The following PRPF40B variants were observed in gnomAD, a reference collection of about 807,000 sequenced individuals.
PRPF40B encodes pre-mRNA-processing factor 40 homolog B.
A neutral mutation model predicts 124.5 loss-of-function variants in PRPF40B; 56 were observed. The ratio of observed to expected loss-of-function variants is 0.45; its 90% CI spans 0.36 to 0.56. The LOEUF (loss-of-function observed/expected upper bound fraction) is 0.56. Ranked by LOEUF, PRPF40B falls within the 20% of genes least tolerant of loss-of-function variation. The pLI, the probability that PRPF40B is intolerant of heterozygous loss-of-function variation, is 0.00. For missense variants in PRPF40B, 1,053 were observed against 1,169.5 expected, an observed-to-expected ratio of 0.90 and a Z score of 1.45; for synonymous variants, 443 against 426.4, an observed-to-expected ratio of 1.04 and a Z score of -0.48.
At chr12:49,630,914 ACTAT>A (rs1941160896) in intron 2 of PRPF40B, among the ~76,000 whole-genome samples, 1 of 152,130 alleles carries the variant, frequency 6.6e-6, no homozygotes, top group South Asian at 2.1e-4. Flanking sequence ...GCAGGGTGGG[ACTAT>A]CTATCTCTTT....
At chr12:49,643,175 G>A in intron 22 of PRPF40B, 48 bp from the exon 23 acceptor site, 5 of 1,607,500 alleles carry the variant, frequency 3.1e-6, no homozygotes, top group Non-Finnish European at 4.3e-6. Flanking sequence ...GAGGGCTTCT[G>A]GAGGGCAGAG....
intron 1 of PRPF40B, among the ~76,000 whole-genome samples, chr12:49,628,118 T>C (rs1016225426): frequency 6.6e-6 from 1 of 152,180 alleles, no homozygotes; most frequent in African/African-American, 2.4e-5. Flanking sequence ...TGACTTCCCA[T>C]GCTGAGGAAA....
At chr12:49,628,253 G>T (rs1425372015) in intron 1 of PRPF40B, among the ~76,000 whole-genome samples, 4 of 151,988 alleles carry the variant, frequency 2.6e-5, no homozygotes, top group Non-Finnish European at 5.9e-5. Flanking sequence ...AGGACAGTTT[G>T]TTGTTGTTGT....
In PRPF40B at chr12:49,642,501, C is replaced by T. The variant is rs1008072367; in HGVS notation, c.2023-79C>T. On this transcript the variant is annotated intron_variant, in intron 20 of 25. Transcript: ENST00000548825. The surrounding 1 kb of genome is among the most constrained non-coding windows in gnomAD (Gnocchi z 5.8). Reference sequence around the variant, plus strand: ...AGTTCCCTTCCTTTCTCTGCCCCAGCCCTGCCCTGTGCTCATGGCGGTGTC... The same window carrying T: ...AGTTCCCTTCCTTTCTCTGCCCCAGTCCTGCCCTGTGCTCATGGCGGTGTC... The T allele has an allele frequency of 4.6e-5, 72 of 1,581,148 alleles. No homozygotes were observed. In the Admixed American group the frequency reaches 5.4e-4, roughly 12 times the overall value.
intron 18 of PRPF40B, chr12:49,638,527 A>G (rs1431480001): frequency 6.6e-6 from 1 of 152,224 alleles, no homozygotes; most frequent in Non-Finnish European, 1.5e-5. Flanking sequence ...TCTACTGGAG[A>G]AGAGAAATAG....
rs1233329075 is a variant in PRPF40B, at chr12:49,635,021, A to G, written c.1002-78A>G. On this transcript the variant is annotated intron_variant, in intron 12 of 25. Transcript: ENST00000548825. The surrounding 1 kb of genome is among the most constrained non-coding windows in gnomAD (Gnocchi z 4.1). Reference sequence around the variant, plus strand: ...GAGCCCCTGCAGCCTGCAGTGTCTCATGACCCTCCAGTGTGGGCTGTGCAG... The same window carrying G: ...GAGCCCCTGCAGCCTGCAGTGTCTCGTGACCCTCCAGTGTGGGCTGTGCAG... 2 of 1,419,240 alleles carry G rather than the reference A, an allele frequency of 1.4e-6. No homozygotes were observed. The highest frequency in any genetic ancestry group is 1.9e-6 in the Non-Finnish European group (2 of 1,047,298). 87.9% of individuals were successfully genotyped at this position (1,419,240 alleles called of 1,614,324 possible). A position where few individuals can be genotyped will look rare whatever the true frequency, so the allele number is the denominator to read the frequency against.
rs770177120 is a variant in PRPF40B, at chr12:49,635,570, C to G, written c.1275+97C>G. 68 of 1,187,270 alleles carry G rather than the reference C, an allele frequency of 5.7e-5. 1 individual carries two copies. The highest frequency in any genetic ancestry group is 7.7e-5 in the Non-Finnish European group (65 of 839,688). The allele number at this position is 1,187,270 out of a possible 1,614,324, so 73.5% of individuals were successfully genotyped here. On this transcript the variant is annotated intron_variant, in intron 14 of 25. Transcript: ENST00000548825. This position sits in a 1 kb window ranked among gnomAD's most constrained non-coding sequence, Gnocchi z 4.1. ...CCCTCGCCATTTACTTCTCTACTTC[C>G]CCAGTGTCCCAGCTTCTGACTTGGA...
rs747355839 is a variant in PRPF40B, at chr12:49,631,877, T to G, written c.246T>G (p.Pro82=). 2.5e-6 allele frequency: 4 copies of G among 1,614,134 alleles called. No homozygotes were observed. Among genetic ancestry groups the G allele is most frequent in the Non-Finnish European group, 3.4e-6 (4 of 1,179,976 alleles). ...PPLTQIPGMV[P]PMMPGMLMPA... is the part of the protein sequence containing the mutation. The stretch of plus-strand genomic sequence containing the variant: ...ATCCATAGATACCAGGAATGGTACC[T>G]CCGATGATGCCAGGAATGCTGATGC... Residue 82 remains proline, a synonymous_variant, in exon 4 of 26, where the codon CCT becomes CCG. Coordinates refer to ENST00000548825, the MANE Select transcript of PRPF40B (RefSeq NM_001031698.3). The surrounding 1 kb of genome is among the most constrained non-coding windows in gnomAD (Gnocchi z 4.3).
At chr12:49,637,904 GT>G in intron 18 of PRPF40B, 80 bp downstream of exon 18, 1 of 1,188,374 alleles carries the variant, frequency 8.4e-7, no homozygotes, top group Non-Finnish European at 1.2e-6. Flanking sequence ...GATAAGTCCT[GT>G]TTTGCAGAAG....
chr12:49,643,108 G>A lies in PRPF40B; in HGVS notation c.2205+92G>A, dbSNP rs139701487. On this transcript the variant is annotated intron_variant, in intron 22 of 25. Coordinates refer to ENST00000548825, the MANE Select transcript of PRPF40B (RefSeq NM_001031698.3). Reference sequence around the variant, plus strand: ...TTCCCCTTACAATATCTCCCTTGGAGGGAAGTTTGAGGATTCCTTTGGCCC... The same window carrying A: ...TTCCCCTTACAATATCTCCCTTGGAAGGAAGTTTGAGGATTCCTTTGGCCC... 91 of 1,588,636 alleles carry A rather than the reference G, an allele frequency of 5.7e-5. No individual in the cohort carries two copies. In the African/African-American group the frequency reaches 1.0e-3, roughly 18 times the overall value.
In PRPF40B at chr12:49,636,819, CCAA is replaced by C; in HGVS notation, c.1535_1537del (p.Gln512del). ...AGCGGGCCCGGCTTCGGGAGCGACGCCAACAACGCAAGAATCGGGAGGCCTTCC... is the reference window on the plus strand; with the variant it reads ...AGCGGGCCCGGCTTCGGGAGCGACGCCAACGCAAGAATCGGGAGGCCTTCC... On this transcript the variant is annotated inframe_deletion, in exon 16 of 26. Coordinates refer to ENST00000548825, the MANE Select transcript of PRPF40B (RefSeq NM_001031698.3). 6.2e-7 allele frequency: 1 copy of C among 1,614,178 alleles called. No homozygotes were observed. The highest frequency in any genetic ancestry group is 8.5e-7 in the Non-Finnish European group (1 of 1,180,028).
rs563732461 is a variant in PRPF40B, at chr12:49,634,550, A to G, written c.949A>G (p.Asn317Asp). ...ELLRDKAVPS[N>D]ASWEQAMKMV... is the part of the protein sequence containing the mutation. The stretch of plus-strand genomic sequence containing the variant: ...TGCTTCATTCCAGGCTGTCCCCTCC[A>G]ATGCCTCATGGGAACAGGCCATGAA... The change falls in exon 12 of 26, where the codon AAT (asparagine) becomes GAT (aspartate). Residue 317 changes from asparagine to aspartate, a missense_variant. Around this residue, in one of 2 missense-constraint regions of PRPF40B, gnomAD observed 895 missense variants for 1,052.2 expected, o/e 0.85. Coordinates refer to ENST00000548825, the MANE Select transcript of PRPF40B (RefSeq NM_001031698.3). 2 of 1,614,202 alleles carry G rather than the reference A, an allele frequency of 1.2e-6. No individual in the cohort carries two copies. Among genetic ancestry groups the G allele is most frequent in the East Asian group, 4.5e-5 (2 of 44,876 alleles).
intron 18 of PRPF40B, chr12:49,641,096 G>A (rs922289818): frequency 6.6e-6 from 1 of 152,210 alleles, no homozygotes; most frequent in Non-Finnish European, 1.5e-5. Flanking sequence ...GAACTCCAGT[G>A]GCTTCATTTA....
chr12:49,625,562 C>G (rs1940630134), intron 1 of PRPF40B, among the ~76,000 whole-genome samples: 1 of 152,064 alleles, frequency 6.6e-6, no homozygotes, highest in South Asian at 2.1e-4. Flanking sequence ...CTTCTGAGTG[C>G]TAAGTTCTGA....
At chr12:49,624,183 C>T in intron 1 of PRPF40B, 1 of 984,180 alleles carries the variant, frequency 1.0e-6, no homozygotes, top group Non-Finnish European at 1.2e-6. Flanking sequence ...AAGTCACTAC[C>T]TTTCTTTGGG....
intron 1 of PRPF40B, among the ~76,000 whole-genome samples, chr12:49,625,669 C>CAGAT (rs755620965): frequency 8.8e-4 from 134 of 152,270 alleles, no homozygotes; most frequent in Non-Finnish European, 1.7e-3. Context: ...ATATGATGAT[C>CAGAT]AGATGATCAA....
At chr12:49,637,125 T>A (rs983597591) in intron 16 of PRPF40B, 4 of 583,852 alleles carry the variant, frequency 6.9e-6, no homozygotes, top group Non-Finnish European at 1.2e-5. Flanking sequence ...CCATGTTTAT[T>A]TCCCTTGGTG....
At position 49,635,319 on chromosome 12, in the gene PRPF40B, G is replaced by A; in HGVS notation, c.1167-46G>A. 6.2e-7 allele frequency: 1 copy of A among 1,609,306 alleles called. No individual in the cohort carries two copies. ...GAACCCTGAGAACACAAAGGTCCAGGGTCTCTGTTCTCTGTCTACCTACTC... is the reference window on the plus strand; with the variant it reads ...GAACCCTGAGAACACAAAGGTCCAGAGTCTCTGTTCTCTGTCTACCTACTC... On this transcript the variant is annotated intron_variant, in intron 13 of 25. Coordinates refer to ENST00000548825, the MANE Select transcript of PRPF40B (RefSeq NM_001031698.3). The surrounding 1 kb of genome is among the most constrained non-coding windows in gnomAD (Gnocchi z 4.1).
rs777273691 is a variant in PRPF40B, at chr12:49,631,881, A to C, written c.250A>C (p.Met84Leu). Residue 84 changes from methionine (M) to leucine (L), a missense_variant, in exon 4 of 26, where the codon ATG becomes CTG. Met to Leu is a conservative substitution (Grantham distance 15). Transcript: ENST00000548825. This position sits in a 1 kb window ranked among gnomAD's most constrained non-coding sequence, Gnocchi z 4.3. ...LTQIPGMVPPMMPGMLMPAVP... is the reference protein window; with the variant it reads ...LTQIPGMVPPLMPGMLMPAVP... ...ATAGATACCAGGAATGGTACCTCCG[A>C]TGATGCCAGGAATGCTGATGCCAGC... 16 of 1,614,150 alleles carry C rather than the reference A, an allele frequency of 9.9e-6. No homozygotes were observed. Among genetic ancestry groups the C allele is most frequent in the Non-Finnish European group, 1.4e-5 (16 of 1,180,006 alleles).
Sources: gnomAD v4.1 joint callset for allele counts (sites outside exome capture counted in the v4.1 genomes callset) on GRCh38, gnomAD v4.1.1 for gene constraint, gnomAD v4.1.1 regional missense constraint, Gnocchi (gnomAD v3.1) non-coding constraint, MANE v1.5 for transcripts, NCBI Gene and HGNC (gene_info 2026-07-23, HGNC 2026-07-21) for gene names.